Variants in FHIT observed in about 807,000 individuals in gnomAD.
The protein encoded by FHIT is bis(5'-adenosyl)-triphosphatase.
Under a neutral mutation model 17.9 loss-of-function variants are expected in FHIT, and 19 were observed. The ratio of observed to expected loss-of-function variants is 1.06; its 90% confidence interval spans 0.74 to 1.56. The LOEUF (loss-of-function observed/expected upper bound fraction) is 1.56, where lower values mean the gene tolerates loss of function less well. Among genes scored for constraint, FHIT ranks in the 40% most tolerant of loss-of-function variants. The pLI is 0.00. For synonymous variants in FHIT, 81 were observed against 69.7 expected (o/e 1.16, Z -0.81); for missense variants, 248 against 189.2 (o/e 1.31, Z -1.82).
chr3:61,185,734 A>G (rs2038488293), intron 2 of FHIT, among the ~76,000 whole-genome samples: 1 of 152,202 alleles, frequency 6.6e-6, no homozygotes, highest in Admixed American at 6.5e-5. Context: ...ATGCCCACAT[A>G]AAGAACTAAC....
intron 3 of FHIT, among the ~76,000 whole-genome samples, chr3:60,825,779 C>T: frequency 6.6e-6 from 1 of 152,148 alleles, no homozygotes; most frequent in East Asian, 1.9e-4. Flanking sequence ...TCCACAAAAC[C>T]AGTCCCTGGT....
chr3:60,966,075 G>A (rs547967972), intron 3 of FHIT, among the ~76,000 whole-genome samples: 44 of 152,194 alleles, frequency 2.9e-4, no homozygotes, highest in South Asian at 2.3e-3. Flanking sequence ...CTTGAGCTGC[G>A]GTGGGCTCCA....
chr3:60,760,874 C>T (rs1412490352), intron 4 of FHIT, among the ~76,000 whole-genome samples: 1 of 152,124 alleles, frequency 6.6e-6, no homozygotes, highest in African/African-American at 2.4e-5. Flanking sequence ...CCATGTGGTA[C>T]CCCACTGTCC....
At chr3:60,196,440 A>G (rs1013678271) in intron 5 of FHIT, among the ~76,000 whole-genome samples, 8 of 152,140 alleles carry the variant, frequency 5.3e-5, no homozygotes, top group African/African-American at 1.9e-4. Context: ...TCTTTCATTT[A>G]TAAGGACCCT....
At chr3:60,967,949 A>G (rs1173297097) in intron 3 of FHIT, among the ~76,000 whole-genome samples, 1 of 152,258 alleles carries the variant, frequency 6.6e-6, no homozygotes, top group Non-Finnish European at 1.5e-5. Flanking sequence ...CTGTAGGTAA[A>G]TAAAAGTAAA....
rs1195781130 is a variant in FHIT at position 60,561,908 on chromosome 3, AAGAG to A, written c.-17-24933_-17-24930del. 1.3e-4 allele frequency among the ~76,000 whole-genome samples: 20 copies of A among 151,602 alleles called. No individual in the cohort carries two copies. The East Asian group carries it at 3.8e-3, about 28-fold the overall frequency. On this transcript the variant is annotated intron_variant, in intron 4 of 9. Coordinates refer to ENST00000492590, the MANE Select transcript of FHIT (RefSeq NM_002012.4). ...AATGAAAGAAAAGAAAAAAAAAGAA[AAGAG>A]AGAGAAAGAGAGAAAGAAAAAGAGA... is the stretch of plus-strand genomic sequence containing the variant.
intron 4 of FHIT, among the ~76,000 whole-genome samples, chr3:60,633,024 G>C (rs1285340556): frequency 6.6e-6 from 1 of 152,192 alleles, no homozygotes; most frequent in Admixed American, 6.5e-5. Context: ...GAGAGTGTAA[G>C]AAGAACCATG....
At chr3:59,773,664 C>A (rs1037959462) in intron 8 of FHIT, among the ~76,000 whole-genome samples, 2 of 152,178 alleles carry the variant, frequency 1.3e-5, no homozygotes, top group African/African-American at 4.8e-5. Flanking sequence ...CCTGCACTTT[C>A]TTCCTTTCTT....
chr3:60,895,809 A>G (rs1157298527), intron 3 of FHIT, among the ~76,000 whole-genome samples: 1 of 116,928 alleles, frequency 8.6e-6, no homozygotes, highest in Non-Finnish European at 1.9e-5. Context: ...TGTCATTCAG[A>G]CAGGTCCTCA....
intron 5 of FHIT, among the ~76,000 whole-genome samples, chr3:60,451,032 T>C (rs1282586067): frequency 1.3e-5 from 2 of 152,184 alleles, no homozygotes; most frequent in South Asian, 2.1e-4. Flanking sequence ...AACTTGTTTT[T>C]AGGAGTTCTT....
At chr3:60,743,848 G>A (rs912770157) in intron 4 of FHIT, among the ~76,000 whole-genome samples, 2 of 152,152 alleles carry the variant, frequency 1.3e-5, no homozygotes, top group African/African-American at 4.8e-5. Context: ...CTTTCACGGG[G>A]TTTTTTTGTC....
At position 59,899,777 on chromosome 3, in the gene FHIT, C is replaced by A. The variant is rs372801159; in HGVS notation, c.348+22569G>T. Among the ~76,000 whole-genome samples, 13 of 152,224 alleles carry A rather than the reference C, an allele frequency of 8.5e-5. No individual in the cohort carries two copies. The East Asian group carries it at 2.5e-3, about 29-fold the overall frequency. On this transcript the variant is annotated intron_variant, in intron 8 of 9. Coordinates refer to ENST00000492590, the MANE Select transcript of FHIT (RefSeq NM_002012.4). The stretch of plus-strand genomic sequence containing the variant: ...AGGAGAACTGCTTGAACCCGGGAGG[C>A]GGAGGTTGCAGTGAGCCATGATGGT...
chr3:60,934,766 C>T (rs560253307), intron 3 of FHIT, among the ~76,000 whole-genome samples: 2 of 152,184 alleles, frequency 1.3e-5, no homozygotes, highest in South Asian at 4.1e-4. Context: ...CTGCCTCCAG[C>T]TTTGAGGCAA....
chr3:60,121,745 C>T (rs926495135), intron 5 of FHIT, among the ~76,000 whole-genome samples: 6 of 147,176 alleles, frequency 4.1e-5, no homozygotes, highest in African/African-American at 1.2e-4. Flanking sequence ...CACACACACA[C>T]ATTAGCCCTG....
chr3:59,868,480 T>C (rs1273011929), intron 8 of FHIT, among the ~76,000 whole-genome samples: 2 of 152,226 alleles, frequency 1.3e-5, no homozygotes, highest in African/African-American at 4.8e-5. Context: ...AAAGCAAATA[T>C]GAGGTCTTGA....
intron 3 of FHIT, among the ~76,000 whole-genome samples, chr3:61,016,912 A>C (rs77639388): frequency 1.3e-5 from 2 of 152,256 alleles, no homozygotes; most frequent in Non-Finnish European, 2.9e-5. Context: ...GTTTCTCCAC[A>C]AAAGATGACC....
intron 3 of FHIT, among the ~76,000 whole-genome samples, chr3:60,996,300 C>T (rs1359437894): frequency 6.6e-6 from 1 of 152,118 alleles, no homozygotes; most frequent in East Asian, 1.9e-4. Flanking sequence ...GTGCAAGACA[C>T]GGTTCTAGAT....
intron 4 of FHIT, among the ~76,000 whole-genome samples, chr3:60,678,101 C>A (rs1190610755): frequency 6.6e-6 from 1 of 151,998 alleles, no homozygotes; most frequent in Non-Finnish European, 1.5e-5. Context: ...TTCAAAAAAC[C>A]AACTTTTTGT....
chr3:60,678,901 TATC>T (rs1394280091), intron 4 of FHIT, among the ~76,000 whole-genome samples: 5 of 150,796 alleles, frequency 3.3e-5, no homozygotes, highest in African/African-American at 1.2e-4. Flanking sequence ...GCATAATAAA[TATC>T]ATCTCGTTTT....
Sources: gnomAD v4.1 joint callset for allele counts (sites outside exome capture counted in the v4.1 genomes callset) on GRCh38, gnomAD v4.1.1 for gene constraint, MANE v1.5 for transcripts, NCBI Gene and HGNC (gene_info 2026-07-23, HGNC 2026-07-21) for gene names.